The following NTM variants were observed in gnomAD, a reference collection of about 807,000 sequenced individuals.
The protein encoded by NTM is IgLON family member 2.
NTM carries 13 observed loss-of-function variants against 42.1 expected under a neutral mutation model. The ratio of observed to expected loss-of-function variants is 0.31; its 90% CI spans 0.20 to 0.49. The LOEUF (loss-of-function observed/expected upper bound fraction) is 0.49. NTM is among the 20% of genes least tolerant of loss of function. The pLI is 0.99. For synonymous variants in NTM, 187 were observed against 179.2 expected, an observed-to-expected ratio of 1.04 and a Z score of -0.35; for missense variants, 373 against 452.8, an observed-to-expected ratio of 0.82 and a Z score of 1.60.
intron 2 of NTM, among the ~76,000 whole-genome samples, chr11:132,091,690 C>G (rs2060395958): frequency 6.6e-6 from 1 of 152,008 alleles, no homozygotes; most frequent in East Asian, 1.9e-4. Flanking sequence ...TTACATTACC[C>G]AGGCTGATCT....
chr11:132,274,866 G>T (rs1446429983), intron 4 of NTM, among the ~76,000 whole-genome samples: 1 of 152,216 alleles, frequency 6.6e-6, no homozygotes, highest in African/African-American at 2.4e-5. Context: ...TTTCTGCTTA[G>T]TAATGATGTT....
intron 1 of NTM, among the ~76,000 whole-genome samples, chr11:131,672,912 G>T (rs567381830): frequency 1.1e-4 from 10 of 91,928 alleles, no homozygotes; most frequent in South Asian, 1.0e-3. Context: ...ACGGTGCCGG[G>T]GTGGGGGTGG....
At chr11:132,301,233 G>T (rs1290049356) in intron 4 of NTM, among the ~76,000 whole-genome samples, 2 of 152,170 alleles carry the variant, frequency 1.3e-5, no homozygotes, top group Non-Finnish European at 2.9e-5. Flanking sequence ...GAAGTGGGAA[G>T]CTCCTTATAA....
intron 1 of NTM, among the ~76,000 whole-genome samples, chr11:131,876,429 A>T (rs1218765892): frequency 6.6e-6 from 1 of 152,224 alleles, no homozygotes; most frequent in Non-Finnish European, 1.5e-5. Flanking sequence ...ACCAATCTTT[A>T]ATCCCTGGCT....
chr11:131,559,812 T>G (rs1165483115), intron 1 of NTM, among the ~76,000 whole-genome samples: 1 of 152,166 alleles, frequency 6.6e-6, no homozygotes, highest in Non-Finnish European at 1.5e-5. Context: ...TAAGGGAACA[T>G]GAGAGGCTCA....
At chr11:132,242,503 G>A (rs569258350) in intron 4 of NTM, among the ~76,000 whole-genome samples, 22 of 152,308 alleles carry the variant, frequency 1.4e-4, no homozygotes, top group Non-Finnish European at 4.4e-5. Flanking sequence ...TGGGCGTCTC[G>A]CTAGTTTTTC....
intron 4 of NTM, among the ~76,000 whole-genome samples, chr11:132,265,655 G>A (rs2093137789): frequency 1.3e-5 from 2 of 152,224 alleles, no homozygotes; most frequent in Non-Finnish European, 2.9e-5. Context: ...AGTGAAGGTG[G>A]ATGGGAAGTA....
chr11:131,605,705 C>T (rs753339481), intron 1 of NTM: 353 of 734,406 alleles, frequency 4.8e-4, no homozygotes, highest in Non-Finnish European at 5.7e-4. Context: ...AGGGTGAGGA[C>T]GTTTCTTTCT....
At chr11:132,097,421 T>A (rs1232794162) in intron 2 of NTM, among the ~76,000 whole-genome samples, 2 of 152,220 alleles carry the variant, frequency 1.3e-5, no homozygotes, top group Admixed American at 6.5e-5. Flanking sequence ...GAGGCCAGGA[T>A]GCTCCTGGGT....
At chr11:131,876,047 G>A (rs963265581) in intron 1 of NTM, among the ~76,000 whole-genome samples, 3 of 152,114 alleles carry the variant, frequency 2.0e-5, no homozygotes, top group East Asian at 1.9e-4. Context: ...AGCGATTTCC[G>A]TGACATTTTC....
chr11:131,627,671 A>C (rs1253123310), intron 1 of NTM, among the ~76,000 whole-genome samples: 1 of 152,016 alleles, frequency 6.6e-6, no homozygotes, highest in Non-Finnish European at 1.5e-5. Flanking sequence ...TCTCTACAAA[A>C]AATAAAAAAT....
intron 1 of NTM, among the ~76,000 whole-genome samples, chr11:131,652,864 G>A (rs2066677568): frequency 6.6e-6 from 1 of 152,226 alleles, no homozygotes; most frequent in African/African-American, 2.4e-5. Flanking sequence ...TGGCACAGGT[G>A]GCCATGGGTG....
At chr11:131,457,051 C>A (rs1950964690) in intron 1 of NTM, among the ~76,000 whole-genome samples, 2 of 152,144 alleles carry the variant, frequency 1.3e-5, no homozygotes, top group Admixed American at 6.5e-5. Flanking sequence ...TATTACAAAT[C>A]AATAATTCAA....
intron 1 of NTM, among the ~76,000 whole-genome samples, chr11:131,754,217 A>G (rs12788112): frequency 0.2 from 30,581 of 149,920 alleles, 4,498 homozygotes; most frequent in African/African-American, 0.42. Context: ...CACCAACATG[A>G]CACATGTATA....
intron 3 of NTM, among the ~76,000 whole-genome samples, chr11:132,182,981 T>A (rs765297700): frequency 1.3e-5 from 2 of 152,190 alleles, no homozygotes; most frequent in Non-Finnish European, 2.9e-5. Context: ...CCCAAACACA[T>A]GGTGCCTTTC....
At chr11:132,076,530 G>A (rs1163001562) in intron 2 of NTM, among the ~76,000 whole-genome samples, 2 of 152,178 alleles carry the variant, frequency 1.3e-5, no homozygotes, top group African/African-American at 2.4e-5. Context: ...GGAGAGTGGG[G>A]AAATTTGAAA....
At chr11:131,833,064 G>C (rs2043026401) in intron 1 of NTM, among the ~76,000 whole-genome samples, 1 of 152,154 alleles carries the variant, frequency 6.6e-6, no homozygotes, top group Admixed American at 6.5e-5. Context: ...AACTAGCTCA[G>C]AAAACATTAA....
chr11:131,942,076 G>T (rs1299590668), intron 2 of NTM, among the ~76,000 whole-genome samples: 1 of 152,116 alleles, frequency 6.6e-6, no homozygotes, highest in Non-Finnish European at 1.5e-5. Context: ...TTAAAAAAAT[G>T]AATAAAATGA....
In NTM at chr11:132,228,200, G is replaced by A. The variant is rs188498666; in HGVS notation, c.526+16053G>A. 3.3e-5 allele frequency among the ~76,000 whole-genome samples: 5 copies of A among 152,268 alleles called. No homozygotes were observed. The East Asian group carries it at 9.7e-4, about 29-fold the overall frequency. On this transcript the variant is annotated intron_variant, in intron 4 of 8. Transcript: ENST00000683400. ...AACACTGCCCAAGTCGTATCCTCAG[G>A]GGAGTAGGGCTCTGGGGAAAATACC...
Sources: gnomAD v4.1 joint callset for allele counts (sites outside exome capture counted in the v4.1 genomes callset) on GRCh38, gnomAD v4.1.1 for gene constraint, MANE v1.5 for transcripts, NCBI Gene and HGNC (gene_info 2026-07-23, HGNC 2026-07-21) for gene names.